ARHGAP6: variants seen among roughly 807,000 people sequenced by gnomAD.
ARHGAP6 encodes the protein Rho GTPase activating protein 6.
A neutral mutation model predicts 55.7 loss-of-function variants in ARHGAP6; 16 were observed. The observed-to-expected ratio is 0.29, with a 90% confidence interval of 0.19 to 0.44. The LOEUF (loss-of-function observed/expected upper bound fraction) is 0.44. Ranked by LOEUF, ARHGAP6 falls within the 20% of genes least tolerant of loss-of-function variation. ARHGAP6 has a pLI of 1.00. For synonymous variants in ARHGAP6, 382 were observed against 360.9 expected (o/e 1.06, Z -0.66); for missense variants, 698 against 808.9 (o/e 0.86, Z 1.66).
At chrX:11,148,662 C>T (rs758673215) in intron 10 of ARHGAP6, 12 of 373,571 alleles carry the variant, frequency 3.2e-5, no homozygotes, top group African/African-American at 2.3e-4. Flanking sequence ...AGGGCGTAAA[C>T]ATGCTGGCAG....
intron 1 of ARHGAP6, among the ~76,000 whole-genome samples, chrX:11,429,390 A>T (rs916708564): frequency 8.9e-6 from 1 of 112,260 alleles, no homozygotes; most frequent in South Asian, 3.7e-4. Flanking sequence ...GAAATGATCT[A>T]TATCTTGATC....
At chrX:11,340,955 A>C (rs1164014626) in intron 1 of ARHGAP6, among the ~76,000 whole-genome samples, 1 of 108,247 alleles carries the variant, frequency 9.2e-6, no homozygotes, top group Non-Finnish European at 1.9e-5. Context: ...GACAGAGTGG[A>C]GAAAAACGGT....
At chrX:11,277,725 C>T (rs565444067) in intron 1 of ARHGAP6, among the ~76,000 whole-genome samples, 2 of 108,367 alleles carry the variant, frequency 1.8e-5, no homozygotes, top group South Asian at 8.0e-4. Flanking sequence ...AAAAATTAGC[C>T]CTGTAATGGC....
chrX:11,221,290 G>C, intron 2 of ARHGAP6: 1 of 123,887 alleles, frequency 8.1e-6, no homozygotes, highest in Non-Finnish European at 1.8e-5. Flanking sequence ...GATCTTTCCT[G>C]CTTTCTCCTG....
intron 1 of ARHGAP6, among the ~76,000 whole-genome samples, chrX:11,551,684 GGT>G (rs1444005603): frequency 8.9e-6 from 1 of 111,814 alleles, no homozygotes; most frequent in East Asian, 2.8e-4. Flanking sequence ...CAATATGTCT[GGT>G]GTCCTTGTGA....
At chrX:11,153,575 C>G (rs2045820903) in intron 10 of ARHGAP6, among the ~76,000 whole-genome samples, 1 of 103,133 alleles carries the variant, frequency 9.7e-6, no homozygotes, top group Non-Finnish European at 2.0e-5. Context: ...AGGGGTAGCA[C>G]TCTGGAGCTC....
At chrX:11,243,139 T>C (rs1179041323) in intron 2 of ARHGAP6, among the ~76,000 whole-genome samples, 2 of 112,040 alleles carry the variant, frequency 1.8e-5, no homozygotes, top group African/African-American at 3.2e-5. Flanking sequence ...TAAGAATGGT[T>C]TCCTCTCTAT....
chrX:11,375,461 T>C (rs2049190171), intron 1 of ARHGAP6, among the ~76,000 whole-genome samples: 1 of 112,453 alleles, frequency 8.9e-6, no homozygotes. Context: ...CTAGGTAATT[T>C]AGATCACTCC....
intron 1 of ARHGAP6, among the ~76,000 whole-genome samples, chrX:11,573,810 A>G (rs2051561335): frequency 9.0e-6 from 1 of 111,120 alleles, no homozygotes; most frequent in Non-Finnish European, 1.9e-5. Flanking sequence ...GATTCTTCCT[A>G]CCCATGAGCA....
chrX:11,225,675 T>C, intron 2 of ARHGAP6: 1 of 637,476 alleles, frequency 1.6e-6, no homozygotes, highest in Non-Finnish European at 2.4e-6. Context: ...CTAGAGAATA[T>C]TTCAAGAGCA....
Position 11,156,578 on chromosome X carries a change from C to A in ARHGAP6, c.1858G>T (p.Asp620Tyr), listed in dbSNP as rs2045866062. 1 of 1,211,371 alleles carries A rather than the reference C, an allele frequency of 8.3e-7. No homozygotes were observed. Among genetic ancestry groups the A allele is most frequent in the Non-Finnish European group, 1.1e-6 (1 of 895,210 alleles). The part of the protein sequence containing the change: ...NEVLISLLET[D>Y]PDVVDYLLRR... ...AGTAAATAGTCCACGACATCAGGAT[C>A]GGTCTCTAACAGGCTGATCAGCACT... Residue 620 changes from aspartate (D) to tyrosine (Y), a missense_variant, in exon 10 of 13, where the codon GAT (aspartate) becomes TAT (tyrosine). Around this residue, in one of 3 missense-constraint regions of ARHGAP6, gnomAD observed 322 missense variants for 451.1 expected, o/e 0.71. Coordinates refer to ENST00000337414, the MANE Select transcript of ARHGAP6 (RefSeq NM_013427.3).
intron 1 of ARHGAP6, among the ~76,000 whole-genome samples, chrX:11,572,833 T>C (rs376945824): frequency 7.2e-5 from 8 of 111,422 alleles, no homozygotes; most frequent in African/African-American, 1.6e-4. Context: ...TATTTCTCCA[T>C]ATCCTCTCCA....
chrX:11,485,152 C>A lies in ARHGAP6; in HGVS notation c.588+179089G>T, dbSNP rs748513741. Among the ~76,000 whole-genome samples, 12 of 112,515 alleles carry A rather than the reference C, an allele frequency of 1.1e-4. No individual in the cohort carries two copies. In the Admixed American group the frequency reaches 1.1e-3, roughly 11 times the overall value. On this transcript the variant is annotated intron_variant, in intron 1 of 12. Transcript: ENST00000337414. ...AAAACAAAATGAGATGTAACATTCC[C>A]CTGTCTGGAAGTTCACAGCCAATAG...
At chrX:11,578,289 T>C (rs1214726568) in intron 1 of ARHGAP6, among the ~76,000 whole-genome samples, 29 of 111,681 alleles carry the variant, frequency 2.6e-4, no homozygotes, top group Admixed American at 2.3e-3. Flanking sequence ...ATCTCACCAA[T>C]GAAGGGTTAT....
At chrX:11,587,750 C>T (rs1030028653) in intron 1 of ARHGAP6, among the ~76,000 whole-genome samples, 3 of 112,023 alleles carry the variant, frequency 2.7e-5, no homozygotes, top group African/African-American at 9.7e-5. Flanking sequence ...TGTTCAGGGG[C>T]TGGAAAAGTG....
At chrX:11,335,907 C>A in intron 1 of ARHGAP6, 1 of 152,709 alleles carries the variant, frequency 6.5e-6, no homozygotes, top group South Asian at 1.4e-4. Context: ...AGGGCCGGGT[C>A]ATGGTGGACC....
intron 1 of ARHGAP6, among the ~76,000 whole-genome samples, chrX:11,412,858 T>C (rs1390891341): frequency 8.9e-6 from 1 of 112,393 alleles, no homozygotes; most frequent in Non-Finnish European, 1.9e-5. Flanking sequence ...CATTGAGTCA[T>C]TTCCACATAA....
At chrX:11,392,866 AT>A (rs2049425785) in intron 1 of ARHGAP6, among the ~76,000 whole-genome samples, 1 of 111,951 alleles carries the variant, frequency 8.9e-6, no homozygotes, top group Non-Finnish European at 1.9e-5. Flanking sequence ...TATTAAGTAA[AT>A]TTAACCCACC....
At chrX:11,310,390 G>A (rs1025589802) in intron 1 of ARHGAP6, among the ~76,000 whole-genome samples, 2 of 110,673 alleles carry the variant, frequency 1.8e-5, no homozygotes, top group Non-Finnish European at 3.8e-5. Flanking sequence ...GCATATGAAT[G>A]TTCCTAACAG....
Sources: allele counts gnomAD v4.1 joint callset (sites outside exome capture counted in the v4.1 genomes callset), GRCh38; gene constraint gnomAD v4.1.1; regional missense constraint gnomAD v4.1.1; transcripts MANE v1.5; gene names NCBI Gene and HGNC (gene_info 2026-07-23, HGNC 2026-07-21).